Variants in PDZD2 observed in about 807,000 individuals in gnomAD.
PDZD2 encodes PDZ domain containing 2, also known as PDZ domain-containing protein 2.
PDZD2 carries 90 observed loss-of-function variants against 220.7 expected under a neutral mutation model. The ratio of observed to expected loss-of-function variants is 0.41; its 90% CI spans 0.34 to 0.49. PDZD2 has a LOEUF of 0.49. Ranked by LOEUF, PDZD2 falls within the 20% of genes least tolerant of loss-of-function variation. The pLI is 0.28. For synonymous variants in PDZD2, 1,375 were observed against 1,450.5 expected, an observed-to-expected ratio of 0.95 and a Z score of 1.18; for missense variants, 3,174 against 3,608.5, an observed-to-expected ratio of 0.88 and a Z score of 3.08.
chr5:31,839,374 A>G (rs1757135638), intron 2 of PDZD2, among the ~76,000 whole-genome samples: 1 of 152,218 alleles, frequency 6.6e-6, no homozygotes, highest in Non-Finnish European at 1.5e-5. Flanking sequence ...TAATCATGTC[A>G]AGGGAAAATG....
chr5:31,761,748 C>A (rs1484714861), intron 1 of PDZD2, among the ~76,000 whole-genome samples: 1 of 151,164 alleles, frequency 6.6e-6, no homozygotes, highest in Non-Finnish European at 1.5e-5. Context: ...GTAATCCCAG[C>A]TACTTGAGAG....
At chr5:31,857,605 G>C (rs752474248) in intron 2 of PDZD2, among the ~76,000 whole-genome samples, 2 of 152,052 alleles carry the variant, frequency 1.3e-5, no homozygotes, top group African/African-American at 2.4e-5. Flanking sequence ...CATTCTAAAG[G>C]CTTATGCTTT....
At chr5:31,689,485 C>T (rs907940839) in intron 1 of PDZD2, among the ~76,000 whole-genome samples, 3 of 150,608 alleles carry the variant, frequency 2.0e-5, no homozygotes, top group Non-Finnish European at 3.0e-5. Context: ...TGAGCCACCA[C>T]GCCCAGCCTG....
At chr5:31,950,962 G>A (rs990229421) in intron 2 of PDZD2, among the ~76,000 whole-genome samples, 7 of 152,150 alleles carry the variant, frequency 4.6e-5, no homozygotes, top group South Asian at 2.1e-4. Context: ...TCAAGGCACC[G>A]GCAGATTCAG....
At chr5:31,823,689 C>T (rs193208465) in intron 2 of PDZD2, among the ~76,000 whole-genome samples, 18 of 152,262 alleles carry the variant, frequency 1.2e-4, no homozygotes, top group African/African-American at 4.1e-4. Context: ...ACTCTGCCAT[C>T]AAGCGGTGAG....
At position 32,102,657 on chromosome 5, in the gene PDZD2, C is replaced by T. The variant is rs548216451; in HGVS notation, c.8353+1418C>T. 5.9e-5 allele frequency among the ~76,000 whole-genome samples: 9 copies of T among 152,178 alleles called. No individual in the cohort carries two copies. In the South Asian group the frequency reaches 1.0e-3, roughly 18 times the overall value. On this transcript the variant is annotated intron_variant, in intron 24 of 24. Transcript: ENST00000438447. ...GCCCTCACAACAGAAAGCTCTCAGA[C>T]GAAGGGTACAGGGCAACATCCATTG...
chr5:32,049,091 A>G (rs1288021365), intron 8 of PDZD2, among the ~76,000 whole-genome samples: 3 of 152,014 alleles, frequency 2.0e-5, no homozygotes, highest in South Asian at 2.1e-4. Context: ...ACATGCATCC[A>G]TGGCTCACCT....
intron 7 of PDZD2, among the ~76,000 whole-genome samples, chr5:32,044,127 G>A (rs1413445868): frequency 2.6e-5 from 4 of 151,422 alleles, no homozygotes; most frequent in Admixed American, 6.6e-5. Context: ...TCAGGAGTTC[G>A]AGACCAGCCT....
intron 18 of PDZD2, among the ~76,000 whole-genome samples, chr5:32,077,246 C>T (rs1328658262): frequency 2.0e-5 from 3 of 147,016 alleles, no homozygotes; most frequent in Non-Finnish European, 4.5e-5. Flanking sequence ...TGTTTTATGC[C>T]CATTTTAGAG....
At chr5:31,708,302 A>G (rs1003456254) in intron 1 of PDZD2, among the ~76,000 whole-genome samples, 5 of 152,240 alleles carry the variant, frequency 3.3e-5, no homozygotes, top group Non-Finnish European at 7.3e-5. Context: ...AGCAGTGGTC[A>G]CTGCATACCC....
intron 5 of PDZD2, among the ~76,000 whole-genome samples, chr5:32,004,237 T>A (rs1002101753): frequency 6.6e-6 from 1 of 152,206 alleles, no homozygotes; most frequent in African/African-American, 2.4e-5. Flanking sequence ...ATGTACCAGG[T>A]GCCCACAGGG....
chr5:31,973,159 CT>C (rs1336322951), intron 2 of PDZD2, among the ~76,000 whole-genome samples: 1 of 152,124 alleles, frequency 6.6e-6, no homozygotes, highest in East Asian at 1.9e-4. Flanking sequence ...GCATGAAAAC[CT>C]TTGAGGAAAC....
At chr5:31,943,649 A>C (rs149478537) in intron 2 of PDZD2, among the ~76,000 whole-genome samples, 119 of 152,340 alleles carry the variant, frequency 7.8e-4, no homozygotes, top group African/African-American at 2.8e-3. Context: ...ACAAGACACA[A>C]AGAAGCCGAC....
In PDZD2 at chr5:31,908,623, T is replaced by C. The variant is rs1742900136; in HGVS notation, c.477-74532T>C. ...CTTCACCAGAGAAGCCTACAAGAAA[T>C]ACATCAAAGGTTACGTGATATCAAA... On this transcript the variant is annotated intron_variant, in intron 2 of 24. Coordinates refer to ENST00000438447, the MANE Select transcript of PDZD2 (RefSeq NM_178140.4). 11 of 1,030,556 alleles carry C rather than the reference T, an allele frequency of 1.1e-5. No individual in the cohort carries two copies. In the Admixed American group the frequency reaches 1.1e-4, roughly 10 times the overall value. 63.8% of individuals were successfully genotyped at this position (1,030,556 alleles called of 1,614,324 possible).
chr5:32,109,484 A>G lies in PDZD2; in HGVS notation c.*1349A>G, dbSNP rs1678199518. 6.6e-6 allele frequency: 1 copy of G among 152,168 alleles called. No homozygotes were observed. The highest frequency in any genetic ancestry group is 2.4e-5 in the African/African-American group (1 of 41,426). 9.4% of individuals were successfully genotyped at this position (152,168 alleles called of 1,614,324 possible). ...TTGGATATTCCGTTCGTCGTCACAT[A>G]GCTGGCTTTTCTCTCCTCATGATGT... On this transcript the variant is annotated 3_prime_UTR_variant, in exon 25 of 25. Transcript: ENST00000438447.
At chr5:32,027,589 A>G (rs1414703764) in intron 6 of PDZD2, among the ~76,000 whole-genome samples, 1 of 152,162 alleles carries the variant, frequency 6.6e-6, no homozygotes, top group Non-Finnish European at 1.5e-5. Flanking sequence ...CTATGCACAC[A>G]TGCCCGGCGT....
chr5:31,909,393 A>C (rs1473645113), intron 2 of PDZD2, among the ~76,000 whole-genome samples: 1 of 152,212 alleles, frequency 6.6e-6, no homozygotes, highest in Non-Finnish European at 1.5e-5. Context: ...ATTTAAACTC[A>C]ACAAATCTAA....
intron 2 of PDZD2, among the ~76,000 whole-genome samples, chr5:31,873,505 C>T (rs1191314980): frequency 2.0e-5 from 3 of 151,688 alleles, no homozygotes; most frequent in Non-Finnish European, 2.9e-5. Flanking sequence ...CCCAAATCTG[C>T]AGGGCCAGCT....
intron 2 of PDZD2, among the ~76,000 whole-genome samples, chr5:31,861,205 G>A (rs1389682064): frequency 1.3e-5 from 2 of 152,134 alleles, no homozygotes; most frequent in Non-Finnish European, 2.9e-5. Context: ...AGAGTAAGTA[G>A]CAGGTCCCAG....
Sources: gnomAD v4.1 joint callset for allele counts (sites outside exome capture counted in the v4.1 genomes callset) on GRCh38, gnomAD v4.1.1 for gene constraint, MANE v1.5 for transcripts, NCBI Gene and HGNC (gene_info 2026-07-23, HGNC 2026-07-21) for gene names.